Variants in RNF19A observed in about 807,000 individuals in gnomAD.
RNF19A encodes ring finger protein 19A, RBR E3 ubiquitin protein ligase.
RNF19A carries 32 observed loss-of-function variants against 75.7 expected under a neutral mutation model. That is an observed-to-expected ratio of 0.42 (90% CI 0.32 to 0.57). The LOEUF is 0.57. RNF19A is among the 20% of genes least tolerant of loss of function. RNF19A has a pLI of 0.10. For missense variants in RNF19A, 782 were observed against 1,036.3 expected (o/e 0.75, Z 3.37); for synonymous variants, 335 against 345.2 (o/e 0.97, Z 0.33).
At chr8:100,277,476 T>C (rs1820580578) in intron 2 of RNF19A, among the ~76,000 whole-genome samples, 1 of 152,178 alleles carries the variant, frequency 6.6e-6, no homozygotes, top group Non-Finnish European at 1.5e-5. Context: ...CACGCCCAGC[T>C]AATTTTTTTG....
At chr8:100,277,473 A>G (rs552378215) in intron 2 of RNF19A, among the ~76,000 whole-genome samples, 1 of 152,152 alleles carries the variant, frequency 6.6e-6, no homozygotes, top group East Asian at 1.9e-4. Context: ...TACCACGCCC[A>G]GCTAATTTTT....
At chr8:100,309,709 C>A (rs1021516050) in intron 1 of RNF19A, among the ~76,000 whole-genome samples, 158 bp downstream of exon 1, 1 of 152,194 alleles carries the variant, frequency 6.6e-6, no homozygotes, top group Non-Finnish European at 1.5e-5. Context: ...ACGCTGGACA[C>A]TGGAGGAGAC....
At chr8:100,280,940 T>C (rs191813326) in intron 2 of RNF19A, among the ~76,000 whole-genome samples, 1 of 152,310 alleles carries the variant, frequency 6.6e-6, no homozygotes, top group African/African-American at 2.4e-5. Flanking sequence ...ACTTGCTTTA[T>C]AGAAAATTCC....
rs1397949750 is a variant in RNF19A at position 100,258,751 on chromosome 8, C to A, written c.2322G>T (p.Gln774His). 9 of 1,614,196 alleles carry A rather than the reference C, an allele frequency of 5.6e-6. No individual in the cohort carries two copies. In the South Asian group the frequency reaches 9.9e-5, roughly 18 times the overall value. ...TTTGGGTAACCACAGAAATGCTACACTGATGTGGGGAATTTTCCAGACGGT... is the reference window on the plus strand; with the variant it reads ...TTTGGGTAACCACAGAAATGCTACAATGATGTGGGGAATTTTCCAGACGGT... The part of the protein sequence containing the change: ...ENDRLENSPH[Q>H]CSISVVTQTA... Residue 774 changes from glutamine (Q) to histidine (H), a missense_variant, in exon 10 of 10, where the codon CAG becomes CAT. By Grantham distance (24) the Gln-to-His change is conservative. This residue lies in a region of RNF19A where 442 missense variants were observed against 541.6 expected (regional missense o/e 0.82). Coordinates refer to ENST00000341084, the MANE Select transcript of RNF19A (RefSeq NM_183419.4). The surrounding 1 kb of genome is among the most constrained non-coding windows in gnomAD (Gnocchi z 4.3).
At chr8:100,288,645 T>C (rs1821144441) in intron 1 of RNF19A, among the ~76,000 whole-genome samples, 1 of 152,116 alleles carries the variant, frequency 6.6e-6, no homozygotes, top group Non-Finnish European at 1.5e-5. Context: ...CAGAACAAAG[T>C]AGGGAAAGGG....
At position 100,331,768 on chromosome 8, in the gene RNF19A, G is replaced by A. The variant is rs78641115; in HGVS notation, c.-243+4340C>T. Among the ~76,000 whole-genome samples the A allele has an allele frequency of 6.6e-3, 1,008 of 152,092 alleles. 11 individuals are homozygous for A. The highest frequency in any genetic ancestry group is 0.023 in the African/African-American group (966 of 41,482). ...CCTCTCCTGCAGACAACTATTATCC[G>A]TTTCATATGTATTGATCAAAAGCAA... On this transcript the variant is annotated intron_variant, in intron 1 of 3. Coordinates refer to the RNF19A transcript ENST00000519527. The surrounding 1 kb of genome is among the most constrained non-coding windows in gnomAD (Gnocchi z 5.2).
intron 1 of RNF19A, among the ~76,000 whole-genome samples, chr8:100,319,528 C>CT (rs774604135): frequency 0.32 from 38,623 of 121,888 alleles, 7,576 homozygotes; most frequent in Non-Finnish European, 0.4. Flanking sequence ...ATCTGGTTCA[C>CT]TTTTTTTTTT....
chr8:100,287,853 T>C lies in RNF19A; in HGVS notation c.322A>G (p.Ile108Val). 6.2e-7 allele frequency: 1 copy of C among 1,614,212 alleles called. No homozygotes were observed. Among genetic ancestry groups the C allele is most frequent in the Non-Finnish European group, 8.5e-7 (1 of 1,180,026 alleles). The change falls in exon 2 of 10, where the codon ATT becomes GTT. Residue 108 changes from isoleucine (I) to valine (V), a missense_variant. Physicochemically the swap from Ile to Val is conservative, Grantham distance 29. Transcript: ENST00000341084. This position sits in a 1 kb window ranked among gnomAD's most constrained non-coding sequence, Gnocchi z 4.1. ...TCAGAAGAGGTATTTGTAGAGAAAA[T>C]GGAGTTCTTATCAGTACACATTTCA... ...HSEMCTDKNSIFSTNTSSDNG... is the reference protein window; with the variant it reads ...HSEMCTDKNSVFSTNTSSDNG...
chr8:100,270,025 A>G lies in RNF19A; in HGVS notation c.884-12T>C, dbSNP rs753491081. On this transcript the variant is annotated splice_polypyrimidine_tract_variant and intron_variant, in intron 3 of 9. Coordinates refer to ENST00000341084, the MANE Select transcript of RNF19A (RefSeq NM_183419.4). ...CTTTATATCATCAGCTATTGGGAAC[A>G]CAGAGAAATCTATTAAGTACATAAA... The G allele has an allele frequency of 6.4e-7, 1 of 1,558,490 alleles. No homozygotes were observed. Among genetic ancestry groups the G allele is most frequent in the East Asian group, 2.4e-5 (1 of 42,408 alleles).
At chr8:100,268,701 A>AC in intron 5 of RNF19A, 84 bp downstream of exon 5, 1 of 856,386 alleles carries the variant, frequency 1.2e-6, no homozygotes, top group Non-Finnish European at 1.6e-6. Context: ...AAAAAAAAAA[A>AC]AAACCCAAAA....
In RNF19A at chr8:100,259,391, C is replaced by T. The variant is rs1814166319; in HGVS notation, c.1827-145G>A. 1.6e-6 allele frequency: 1 copy of T among 639,866 alleles called. No individual in the cohort carries two copies. The highest frequency in any genetic ancestry group is 2.0e-5 in the South Asian group (1 of 50,800). The allele number at this position is 639,866 out of a possible 1,614,324, so 39.6% of individuals were successfully genotyped here. A position where few individuals can be genotyped will look rare whatever the true frequency, so the allele number is the denominator to read the frequency against. Reference sequence around the variant, plus strand: ...CGCAGAACACGTTCTACTTAAAAAACATACTTGATATAACAGAACTCTTTA... The same window carrying T: ...CGCAGAACACGTTCTACTTAAAAAATATACTTGATATAACAGAACTCTTTA... On this transcript the variant is annotated intron_variant, in intron 9 of 9. Coordinates refer to ENST00000341084, the MANE Select transcript of RNF19A (RefSeq NM_183419.4). The surrounding 1 kb of genome is among the most constrained non-coding windows in gnomAD (Gnocchi z 4.5).
intron 1 of RNF19A, among the ~76,000 whole-genome samples, chr8:100,326,785 A>G (rs1484253872): frequency 6.6e-6 from 1 of 152,252 alleles, no homozygotes; most frequent in Non-Finnish European, 1.5e-5. Context: ...TAAACACTTT[A>G]AACAGTCTGT....
At chr8:100,286,691 T>A (rs1563851307) in intron 2 of RNF19A, among the ~76,000 whole-genome samples, 1 of 152,232 alleles carries the variant, frequency 6.6e-6, no homozygotes, top group Non-Finnish European at 1.5e-5. Flanking sequence ...CCTCTGAGAT[T>A]ATACCCAGAT....
chr8:100,302,356 A>T (rs1005684916), intron 1 of RNF19A, among the ~76,000 whole-genome samples: 1 of 152,230 alleles, frequency 6.6e-6, no homozygotes, highest in African/African-American at 2.4e-5. Context: ...TTCCTGATGG[A>T]TTACAAGAGG....
At chr8:100,327,091 A>C (rs1822544081) in intron 1 of RNF19A, among the ~76,000 whole-genome samples, 2 of 151,866 alleles carry the variant, frequency 1.3e-5, no homozygotes, top group African/African-American at 2.4e-5. Context: ...CTATGAAAAA[A>C]GTCCCACACA....
At chr8:100,276,329 C>T (rs1242012917) in intron 2 of RNF19A, among the ~76,000 whole-genome samples, 1 of 152,100 alleles carries the variant, frequency 6.6e-6, no homozygotes, top group Non-Finnish European at 1.5e-5. Context: ...AAAAGTCAAT[C>T]TCAAAATGTT....
At chr8:100,279,111 C>A (rs1391673435) in intron 2 of RNF19A, among the ~76,000 whole-genome samples, 5 of 152,108 alleles carry the variant, frequency 3.3e-5, no homozygotes, top group Non-Finnish European at 7.4e-5. Context: ...TTATAGAGAA[C>A]AAGATTTTTG....
intron 1 of RNF19A, chr8:100,303,245 G>C (rs1038047440): frequency 6.6e-6 from 1 of 152,258 alleles, no homozygotes; most frequent in African/African-American, 2.4e-5. Flanking sequence ...GACTCTTCCA[G>C]CTTCTGGTGA....
chr8:100,313,283 A>C, upstream of RNF19A: 4 of 975,312 alleles, frequency 4.1e-6, no homozygotes, highest in Non-Finnish European at 3.7e-6. Flanking sequence ...AAAAGGAAAT[A>C]CACTTACCAG....
Sources: gnomAD v4.1 joint callset for allele counts (sites outside exome capture counted in the v4.1 genomes callset) on GRCh38, gnomAD v4.1.1 for gene constraint, gnomAD v4.1.1 regional missense constraint, Gnocchi (gnomAD v3.1) non-coding constraint, MANE v1.5 for transcripts, NCBI Gene and HGNC (gene_info 2026-07-23, HGNC 2026-07-21) for gene names.